Variants in RBKS observed in about 807,000 individuals in gnomAD.
RBKS encodes the protein ribokinase.
RBKS carries 33 observed loss-of-function variants against 33.9 expected under a neutral mutation model. The observed-to-expected ratio is 0.97, with a 90% CI of 0.74 to 1.30. The LOEUF (loss-of-function observed/expected upper bound fraction) is 1.30, where lower values mean the gene tolerates loss of function less well. Among genes scored for constraint, RBKS ranks in the 50% most tolerant of loss-of-function variants. The pLI, the probability that RBKS is intolerant of heterozygous loss-of-function variation, is 0.00. For synonymous variants in RBKS, 125 were observed against 143.0 expected, an observed-to-expected ratio of 0.87 and a Z score of 0.90; for missense variants, 361 against 392.6, an observed-to-expected ratio of 0.92 and a Z score of 0.68.
chr2:27,873,643 C>T (rs1664258130), intron 1 of RBKS, among the ~76,000 whole-genome samples: 1 of 152,082 alleles, frequency 6.6e-6, no homozygotes, highest in Non-Finnish European at 1.5e-5. Flanking sequence ...GTTGCTATAA[C>T]AGTGTATGAA....
chr2:27,878,990 C>T (rs977260513), intron 1 of RBKS, among the ~76,000 whole-genome samples: 1 of 152,190 alleles, frequency 6.6e-6, no homozygotes, highest in Admixed American at 6.5e-5. Flanking sequence ...ACTGTATATC[C>T]TGATGTTCTA....
chr2:27,884,988 C>G (rs1200218895), intron 1 of RBKS, among the ~76,000 whole-genome samples: 1 of 152,096 alleles, frequency 6.6e-6, no homozygotes, highest in Admixed American at 6.5e-5. Flanking sequence ...ACTGATGACT[C>G]TGAAATTTAT....
At chr2:27,807,538 G>T (rs1021461142) in intron 7 of RBKS, among the ~76,000 whole-genome samples, 1 of 151,980 alleles carries the variant, frequency 6.6e-6, no homozygotes, top group African/African-American at 2.4e-5. Context: ...TTGCCACCAC[G>T]CCTGGCTATA....
chr2:27,781,930 A>T (rs1677295461), intron 7 of RBKS, 142 bp from the exon 8 acceptor site: 1 of 617,530 alleles, frequency 1.6e-6, no homozygotes, highest in Admixed American at 3.5e-5. Flanking sequence ...GTTTCCACGT[A>T]CTCAGACCCA....
intron 1 of RBKS, among the ~76,000 whole-genome samples, chr2:27,882,222 A>G (rs1485726867): frequency 6.6e-6 from 1 of 152,202 alleles, no homozygotes; most frequent in Non-Finnish European, 1.5e-5. Context: ...ACAAATCTAC[A>G]AGAAAAAAAA....
chr2:27,791,711 C>T (rs553832448), intron 7 of RBKS, among the ~76,000 whole-genome samples: 26 of 146,878 alleles, frequency 1.8e-4, no homozygotes, highest in Non-Finnish European at 3.6e-4. Flanking sequence ...GTATACATCT[C>T]TCTTCTTGGT....
At chr2:27,816,886 C>T (rs765653185) in intron 7 of RBKS, among the ~76,000 whole-genome samples, 7 of 152,200 alleles carry the variant, frequency 4.6e-5, no homozygotes, top group East Asian at 1.9e-4. Context: ...CGTGAGCCAC[C>T]GCGCCCGGCC....
Position 27,781,702 on chromosome 2 carries a change from G to T in RBKS, c.882C>A (p.Ser294=), listed in dbSNP as rs1677288097. The change falls in exon 8 of 8, where the codon TCC becomes TCA. Residue 294 remains serine, a synonymous_variant. Coordinates refer to ENST00000302188, the MANE Select transcript of RBKS (RefSeq NM_022128.3). Reference sequence around the variant, plus strand: ...GGACACTGACTGCTGCAATGAAATTGGATCTGTTGAGCATGTCTTCCAAGG... The same window carrying T: ...GGACACTGACTGCTGCAATGAAATTTGATCTGTTGAGCATGTCTTCCAAGG... ...NLSLEDMLNR[S]NFIAAVSVQA... 6.2e-7 allele frequency: 1 copy of T among 1,613,954 alleles called. No homozygotes were observed. The highest frequency in any genetic ancestry group is 1.3e-5 in the African/African-American group (1 of 74,892).
At chr2:27,815,983 C>A (rs1219442362) in intron 7 of RBKS, among the ~76,000 whole-genome samples, 1 of 152,214 alleles carries the variant, frequency 6.6e-6, no homozygotes, top group African/African-American at 2.4e-5. Flanking sequence ...TATTTGAGTT[C>A]TGAAGCAGGG....
chr2:27,789,967 A>ATG (rs1558533131), intron 7 of RBKS, among the ~76,000 whole-genome samples: 4 of 136,790 alleles, frequency 2.9e-5, no homozygotes, highest in African/African-American at 1.1e-4. Flanking sequence ...ATATATATAT[A>ATG]TATATGTATA....
intron 7 of RBKS, among the ~76,000 whole-genome samples, chr2:27,824,509 C>T (rs1270163088): frequency 6.6e-6 from 1 of 152,186 alleles, no homozygotes; most frequent in Non-Finnish European, 1.5e-5. Flanking sequence ...GCTTCTTTCA[C>T]TTAGCATAAT....
At chr2:27,833,247 C>T (rs889749949) in intron 5 of RBKS, among the ~76,000 whole-genome samples, 3 of 152,068 alleles carry the variant, frequency 2.0e-5, no homozygotes, top group Non-Finnish European at 4.4e-5. Context: ...AGAATTCTCC[C>T]GGTGGGAACA....
chr2:27,827,021 GTA>G (rs1337588733), intron 7 of RBKS, among the ~76,000 whole-genome samples: 2 of 152,156 alleles, frequency 1.3e-5, no homozygotes, highest in Admixed American at 1.3e-4. Flanking sequence ...TAAATGAGAT[GTA>G]TGCAAAAGAG....
At chr2:27,852,029 C>A (rs1323978821) in intron 2 of RBKS, among the ~76,000 whole-genome samples, 1 of 152,182 alleles carries the variant, frequency 6.6e-6, no homozygotes, top group Non-Finnish European at 1.5e-5. Flanking sequence ...TCTGTGTTAA[C>A]TTGTTCCACG....
intron 2 of RBKS, among the ~76,000 whole-genome samples, chr2:27,856,579 G>C (rs930534044): frequency 6.6e-6 from 1 of 152,168 alleles, no homozygotes; most frequent in African/African-American, 2.4e-5. Flanking sequence ...AGGGTTGGAA[G>C]AGATCCCAGG....
In RBKS at chr2:27,827,724, C is replaced by A. The variant is rs768251522; in HGVS notation, c.638G>T (p.Ser213Ile). The A allele has an allele frequency of 6.8e-6, 11 of 1,608,574 alleles. No homozygotes were observed. The highest frequency in any genetic ancestry group is 7.6e-6 in the Non-Finnish European group (9 of 1,178,190). The change falls in exon 7 of 8, where the codon AGC becomes ATC. Residue 213 changes from serine (S) to isoleucine (I), a missense_variant. Coordinates refer to ENST00000302188, the MANE Select transcript of RBKS (RefSeq NM_022128.3). ...AEILTGLTVG[S>I]AADAGEAALV... ...TGCAGCCTCCCCAGCATCTGCAGCGCTGCCCACCGTGAGGCCAGTTAAAAT... is the reference window on the plus strand; with the variant it reads ...TGCAGCCTCCCCAGCATCTGCAGCGATGCCCACCGTGAGGCCAGTTAAAAT...
chr2:27,870,297 T>C (rs905991372), intron 1 of RBKS: 3 of 153,884 alleles, frequency 1.9e-5, no homozygotes, highest in African/African-American at 7.2e-5. Context: ...TTGAACACAG[T>C]TGTCATTCTC....
At chr2:27,883,547 A>G (rs1664463688) in intron 1 of RBKS, among the ~76,000 whole-genome samples, 1 of 152,160 alleles carries the variant, frequency 6.6e-6, no homozygotes, top group African/African-American at 2.4e-5. Context: ...GTATTTCAGC[A>G]TTATAAACAA....
chr2:27,830,135 G>A (rs1678392533), intron 6 of RBKS, among the ~76,000 whole-genome samples: 1 of 152,156 alleles, frequency 6.6e-6, no homozygotes, highest in African/African-American at 2.4e-5. Context: ...TCTTGTTTTA[G>A]AGCTTGTAAG....
Sources: gnomAD v4.1 joint callset for allele counts (sites outside exome capture counted in the v4.1 genomes callset) on GRCh38, gnomAD v4.1.1 for gene constraint, MANE v1.5 for transcripts, NCBI Gene and HGNC (gene_info 2026-07-23, HGNC 2026-07-21) for gene names.